The following DNAH8 variants were observed in gnomAD, a reference collection of about 807,000 sequenced individuals.
DNAH8 encodes dynein axonemal heavy chain 8, also known as axonemal beta dynein heavy chain 8.
In DNAH8, 382 loss-of-function variants were observed where a neutral mutation model predicts 562.1. The observed-to-expected ratio is 0.68, with a 90% CI of 0.63 to 0.74. DNAH8 has a LOEUF of 0.74. Ranked by LOEUF, DNAH8 falls within the 30% of genes least tolerant of loss-of-function variation. DNAH8 has a pLI of 0.00. For synonymous variants in DNAH8, 1,881 were observed against 1,919.4 expected, an observed-to-expected ratio of 0.98 and a Z score of 0.52; for missense variants, 5,203 against 5,620.4, an observed-to-expected ratio of 0.93 and a Z score of 2.37.
In DNAH8 at chr6:38,868,092, C is replaced by T. The variant is rs953643178; in HGVS notation, c.6724C>T (p.Leu2242=). 1 of 1,612,670 alleles carries T rather than the reference C, an allele frequency of 6.2e-7. No individual in the cohort carries two copies. Among genetic ancestry groups the T allele is most frequent in the Non-Finnish European group, 8.5e-7 (1 of 1,179,594 alleles). ...VHYDFGLRNI[L]SVLRTLGSQK... ...TTATGACTTTGGATTGAGAAATATT[C>T]TGTCTGTATTGAGGACTCTTGGATC... The change falls in exon 48 of 93, where the codon CTG becomes TTG. Residue 2242 remains leucine, a synonymous_variant. Transcript: ENST00000327475.
chr6:39,014,108 T>C, intron 91 of DNAH8, among the ~76,000 whole-genome samples: 1 of 152,206 alleles, frequency 6.6e-6, no homozygotes, highest in East Asian at 1.9e-4. Flanking sequence ...ACTGTATGCA[T>C]TTTCCAATAC....
intron 5 of DNAH8, among the ~76,000 whole-genome samples, chr6:38,735,341 T>TA (rs1451687990): frequency 1.7e-4 from 26 of 152,358 alleles, no homozygotes; most frequent in African/African-American, 6.3e-4. Flanking sequence ...CCTTTTCTGT[T>TA]ATGATAAAAG....
At chr6:39,002,025 T>C (rs1184922061) in intron 88 of DNAH8, among the ~76,000 whole-genome samples, 2 of 152,082 alleles carry the variant, frequency 1.3e-5, no homozygotes, top group African/African-American at 4.8e-5. Context: ...TGGGCAGACA[T>C]TGATGTCACT....
intron 21 of DNAH8, among the ~76,000 whole-genome samples, chr6:38,799,068 A>T (rs1452264198): frequency 6.6e-6 from 1 of 152,156 alleles, no homozygotes; most frequent in Non-Finnish European, 1.5e-5. Flanking sequence ...AGAATGAGGG[A>T]GTCCCACAAC....
intron 62 of DNAH8, among the ~76,000 whole-genome samples, chr6:38,904,351 A>ATGGAAAGAAAAGATGGCTG (rs1465984685): frequency 2.6e-5 from 4 of 152,274 alleles, no homozygotes; most frequent in African/African-American, 9.6e-5. Flanking sequence ...AGGGTGCGTC[A>ATGGAAAGAAAAGATGGCTG]TGGAAAGAAA....
At chr6:39,021,500 A>G (rs1160259128) in intron 91 of DNAH8, among the ~76,000 whole-genome samples, 1 of 152,230 alleles carries the variant, frequency 6.6e-6, no homozygotes, top group Non-Finnish European at 1.5e-5. Context: ...TCTAATTTTC[A>G]GCAGTTTAAT....
At chr6:38,949,954 A>T (rs933042472) in intron 81 of DNAH8, among the ~76,000 whole-genome samples, 37 of 152,336 alleles carry the variant, frequency 2.4e-4, no homozygotes, top group African/African-American at 8.7e-4. Flanking sequence ...AGACCTCACA[A>T]AGTTACAAGA....
intron 91 of DNAH8, among the ~76,000 whole-genome samples, chr6:39,020,907 C>A (rs922992998): frequency 6.6e-6 from 1 of 152,144 alleles, no homozygotes; most frequent in Non-Finnish European, 1.5e-5. Flanking sequence ...TTTACTTTAT[C>A]CAGTCTATCA....
intron 23 of DNAH8, among the ~76,000 whole-genome samples, chr6:38,805,811 G>A (rs897640626): frequency 2.6e-5 from 4 of 152,188 alleles, no homozygotes; most frequent in Admixed American, 2.6e-4. Context: ...GTCAATTACA[G>A]TTTATGTAGT....
chr6:38,747,371 T>C (rs1293229695), intron 8 of DNAH8, among the ~76,000 whole-genome samples: 1 of 121,070 alleles, frequency 8.3e-6, no homozygotes, highest in Non-Finnish European at 1.8e-5. Flanking sequence ...TGTCATTTTC[T>C]TTTTTTCTTT....
At chr6:38,953,447 G>A (rs1377251383) in intron 82 of DNAH8, among the ~76,000 whole-genome samples, 1 of 152,212 alleles carries the variant, frequency 6.6e-6, no homozygotes, top group Non-Finnish European at 1.5e-5. Context: ...GCAGACTTGT[G>A]TTATATCCTT....
chr6:39,006,938 G>A (rs1765834271), intron 88 of DNAH8, among the ~76,000 whole-genome samples: 1 of 152,078 alleles, frequency 6.6e-6, no homozygotes, highest in Non-Finnish European at 1.5e-5. Context: ...CAGGTATGAG[G>A]GCTTCTCTCC....
intron 14 of DNAH8, 69 bp downstream of exon 14, chr6:38,778,533 A>G (rs1768281029): frequency 2.0e-6 from 2 of 976,114 alleles, no homozygotes; most frequent in Middle Eastern, 2.1e-4. Flanking sequence ...TACAATTTCA[A>G]ATTAGGATGT....
intron 3 of DNAH8, among the ~76,000 whole-genome samples, chr6:38,724,725 G>C (rs9296261): frequency 0.015 from 2,247 of 152,260 alleles, 42 homozygotes; most frequent in South Asian, 0.11. Context: ...GATAGCTCTG[G>C]TTCTAAGATA....
At chr6:38,993,536 G>A (rs1045360935) in intron 88 of DNAH8, among the ~76,000 whole-genome samples, 1 of 152,130 alleles carries the variant, frequency 6.6e-6, no homozygotes, top group Non-Finnish European at 1.5e-5. Context: ...AGAAGTCTCA[G>A]ACCCTTTCAA....
chr6:38,899,549 C>T (rs1490961755), intron 61 of DNAH8, among the ~76,000 whole-genome samples: 3 of 152,216 alleles, frequency 2.0e-5, no homozygotes, highest in Non-Finnish European at 4.4e-5. Flanking sequence ...GGAGTAAATC[C>T]AGTTTGTTCT....
intron 79 of DNAH8, 88 bp from the exon 80 acceptor site, chr6:38,945,379 G>A: frequency 2.2e-6 from 3 of 1,345,860 alleles, no homozygotes; most frequent in Admixed American, 4.1e-5. Flanking sequence ...CAGTAATGTG[G>A]CTATTTTGCT....
At chr6:38,860,717 C>A in intron 43 of DNAH8, 88 bp downstream of exon 43, 1 of 1,016,522 alleles carries the variant, frequency 9.8e-7, no homozygotes, top group Non-Finnish European at 1.4e-6. Flanking sequence ...TTAACAAAAG[C>A]AGATTTCTGT....
chr6:38,809,209 T>C (rs892097978), intron 24 of DNAH8, among the ~76,000 whole-genome samples: 1 of 152,232 alleles, frequency 6.6e-6, no homozygotes, highest in African/African-American at 2.4e-5. Flanking sequence ...AAATGTCTTT[T>C]GTCAGTTTTG....
Sources: gnomAD v4.1 joint callset for allele counts (sites outside exome capture counted in the v4.1 genomes callset) on GRCh38, gnomAD v4.1.1 for gene constraint, MANE v1.5 for transcripts, NCBI Gene and HGNC (gene_info 2026-07-23, HGNC 2026-07-21) for gene names.